Variants in CCDC63 observed in about 807,000 individuals in gnomAD.
The protein encoded by CCDC63 is coiled-coil domain containing 63, also known as coiled-coil domain-containing protein 63.
Under a neutral mutation model 63.6 loss-of-function variants are expected in CCDC63, and 54 were observed. The ratio of observed to expected loss-of-function variants is 0.85; its 90% CI spans 0.68 to 1.07. CCDC63 has a LOEUF of 1.07. Among genes scored for constraint, CCDC63 ranks in the 50% least tolerant of loss-of-function variants. CCDC63 has a pLI of 0.00. For missense variants in CCDC63, 637 were observed against 689.6 expected, an observed-to-expected ratio of 0.92 and a Z score of 0.86; for synonymous variants, 253 against 266.1, an observed-to-expected ratio of 0.95 and a Z score of 0.48.
chr12:110,899,646 C>T (rs529162362), intron 10 of CCDC63, among the ~76,000 whole-genome samples: 69 of 151,152 alleles, frequency 4.6e-4, no homozygotes, highest in African/African-American at 1.5e-3. Context: ...CCTCACTGTG[C>T]TTCAGATTTT....
In CCDC63 at chr12:110,873,953, T is replaced by C. The variant is rs2071099043; in HGVS notation, c.481T>C (p.Leu161=). 6.2e-7 allele frequency: 1 copy of C among 1,611,380 alleles called. No individual in the cohort carries two copies. The highest frequency in any genetic ancestry group is 1.7e-5 in the Admixed American group (1 of 59,524). ...QKQIHILETR[L]NLVTVHFDKM... is the part of the protein sequence containing the mutation. ...ACAGATTCACATTTTGGAAACCCGT[T>C]TGAATCTCGTATGTAAAGTGTTCTC... Residue 161 remains leucine (L), a synonymous_variant, in exon 5 of 12, where the codon TTG becomes CTG. Coordinates refer to ENST00000308208, the MANE Select transcript of CCDC63 (RefSeq NM_152591.3).
intron 4 of CCDC63, among the ~76,000 whole-genome samples, chr12:110,873,192 C>T (rs753168366): frequency 3.3e-5 from 5 of 152,030 alleles, no homozygotes; most frequent in Non-Finnish European, 5.9e-5. Context: ...GCCAAGATCG[C>T]GCCACAGCAC....
chr12:110,866,283 A>C (rs1421922535), intron 4 of CCDC63, among the ~76,000 whole-genome samples: 3 of 150,186 alleles, frequency 2.0e-5, no homozygotes, highest in African/African-American at 7.4e-5. Context: ...TGAGAAAAAG[A>C]TAAACCGTAA....
intron 8 of CCDC63, among the ~76,000 whole-genome samples, chr12:110,891,583 C>T (rs1215053510): frequency 2.2e-5 from 3 of 136,208 alleles, no homozygotes; most frequent in South Asian, 2.4e-4. Context: ...TTCAGTGAGC[C>T]GTGATTATGC....
At position 110,869,572 on chromosome 12, in the gene CCDC63, G is replaced by T. The variant is rs575270008; in HGVS notation, c.370-4270G>T. Among the ~76,000 whole-genome samples the T allele has an allele frequency of 2.0e-4, 31 of 152,242 alleles. No individual in the cohort carries two copies. The South Asian group carries it at 2.9e-3, about 14-fold the overall frequency. On this transcript the variant is annotated intron_variant, in intron 4 of 11. Transcript: ENST00000308208. ...AAATATTGATAATGAAGATATTTGG[G>T]TGTGGGCTAAGGCTGCATTGTGGGC...
At chr12:110,896,218 G>T (rs1233871483) in intron 9 of CCDC63, among the ~76,000 whole-genome samples, 4 of 152,114 alleles carry the variant, frequency 2.6e-5, no homozygotes, top group African/African-American at 9.7e-5. Context: ...ACAGCTCACT[G>T]CAGCCTCAAC....
At position 110,902,662 on chromosome 12, in the gene CCDC63, C is replaced by A. The variant is rs79435783; in HGVS notation, c.1343-1926C>A. On this transcript the variant is annotated intron_variant, in intron 10 of 11. Coordinates refer to ENST00000308208, the MANE Select transcript of CCDC63 (RefSeq NM_152591.3). ...TCTATGGACAGGTTGCTTTCAATAT[C>A]TGAATCTATGTGGTTCCTGAGATAT... Among the ~76,000 whole-genome samples the A allele has an allele frequency of 4.5e-3, 680 of 152,142 alleles. 6 individuals are homozygous for A. The highest frequency in any genetic ancestry group is 0.016 in the African/African-American group (650 of 41,522).
At chr12:110,903,768 C>G (rs531207770) in intron 10 of CCDC63, among the ~76,000 whole-genome samples, 2 of 152,218 alleles carry the variant, frequency 1.3e-5, no homozygotes, top group South Asian at 4.1e-4. Context: ...TTTAAAACAC[C>G]TCTAGGGGGT....
chr12:110,880,535 AGAGT>A (rs2071186404), intron 6 of CCDC63, among the ~76,000 whole-genome samples: 3 of 152,048 alleles, frequency 2.0e-5, no homozygotes, highest in Admixed American at 6.6e-5. Flanking sequence ...CGTAGCCTTC[AGAGT>A]CAGATCTGGG....
At chr12:110,867,662 G>A (rs71458372) in intron 4 of CCDC63, among the ~76,000 whole-genome samples, 8,149 of 92,184 alleles carry the variant, frequency 0.088, 153 homozygotes, top group Admixed American at 0.13. Flanking sequence ...GGGCAGAGGC[G>A]CCCCTCACCT....
chr12:110,869,764 A>G (rs1000388029), intron 4 of CCDC63, among the ~76,000 whole-genome samples: 3 of 152,142 alleles, frequency 2.0e-5, no homozygotes, highest in Non-Finnish European at 2.9e-5. Flanking sequence ...GGCAGTGTAG[A>G]TTTCACTTAT....
intron 9 of CCDC63, among the ~76,000 whole-genome samples, chr12:110,896,335 T>A (rs1440623446): frequency 6.6e-6 from 1 of 152,080 alleles, no homozygotes; most frequent in Non-Finnish European, 1.5e-5. Context: ...GCCGCTCTTG[T>A]CATATGGGAA....
chr12:110,893,118 G>C lies in CCDC63; in HGVS notation c.1117G>C (p.Asp373His). ...LLRSQQKLSH[D>H]DNHSVLRQLE... is the part of the protein sequence containing the mutation. ...GCGATCCCAGCAGAAATTGTCCCAC[G>C]ATGACAACCACTCTGTCCTGAGACA... The change falls in exon 9 of 12, where the codon GAT becomes CAT. Residue 373 changes from aspartate to histidine, a missense_variant. By Grantham distance (81) the Asp-to-His change is moderately conservative. Transcript: ENST00000308208. 6.2e-7 allele frequency: 1 copy of C among 1,614,048 alleles called. No homozygotes were observed. The highest frequency in any genetic ancestry group is 8.5e-7 in the Non-Finnish European group (1 of 1,179,956).
intron 4 of CCDC63, among the ~76,000 whole-genome samples, chr12:110,859,042 C>T (rs1326126721): frequency 2.6e-5 from 4 of 152,142 alleles, no homozygotes; most frequent in African/African-American, 9.7e-5. Flanking sequence ...ACAGCTGCAC[C>T]CTATCAGTTA....
intron 3 of CCDC63, among the ~76,000 whole-genome samples, chr12:110,853,888 TTCTGTTC>T (rs2070737247): frequency 6.6e-6 from 1 of 152,214 alleles, no homozygotes; most frequent in Non-Finnish European, 1.5e-5. Flanking sequence ...CGCACATGAC[TTCTGTTC>T]TCTCTCTCTC....
rs201058953 is a variant in CCDC63, at chr12:110,886,393, AC to A, written c.1074+2145del. On this transcript the variant is annotated intron_variant, in intron 8 of 11. Transcript: ENST00000308208. Reference sequence around the variant, plus strand: ...ACAGGGAGACTTCGTCTCAAAAAAAACCAAAAAAAAACCCACCCCAAAAAAC... The same window carrying A: ...ACAGGGAGACTTCGTCTCAAAAAAAACAAAAAAAAACCCACCCCAAAAAAC... Among the ~76,000 whole-genome samples, 232 of 152,050 alleles carry A rather than the reference AC, an allele frequency of 1.5e-3. 2 individuals carry two copies. Among genetic ancestry groups the A allele is most frequent in the African/African-American group, 5.4e-3 (224 of 41,444 alleles).
chr12:110,879,767 T>C (rs920783403), intron 5 of CCDC63, 139 bp from the exon 6 acceptor site: 1 of 769,212 alleles, frequency 1.3e-6, no homozygotes, highest in South Asian at 1.7e-5. Context: ...TTGAGCCTCT[T>C]GCCTACTGCT....
chr12:110,907,423 A>G lies in CCDC63; in HGVS notation c.1639A>G (p.Ser547Gly). The change falls in exon 12 of 12, where the codon AGC becomes GGC. Residue 547 changes from serine to glycine, a missense_variant. Ser to Gly is a moderately conservative substitution (Grantham distance 56, BLOSUM62 0). Transcript: ENST00000308208. The surrounding 1 kb of genome is among the most constrained non-coding windows in gnomAD (Gnocchi z 4.4). The part of the protein sequence containing the change: ...ENRSKEVRGD[S>G]LPEKVDDFRS... ...TCGGAGTAAGGAAGTGCGCGGAGAC[A>G]GCCTGCCTGAGAAGGTGGATGACTT... 1 of 1,614,230 alleles carries G rather than the reference A, an allele frequency of 6.2e-7. No individual in the cohort carries two copies.
At chr12:110,893,534 C>A (rs1332312124) in intron 9 of CCDC63, among the ~76,000 whole-genome samples, 1 of 152,124 alleles carries the variant, frequency 6.6e-6, no homozygotes, top group Non-Finnish European at 1.5e-5. Flanking sequence ...TCAGTAATAG[C>A]AAATACACAC....
Sources: gnomAD v4.1 joint callset for allele counts (sites outside exome capture counted in the v4.1 genomes callset) on GRCh38, gnomAD v4.1.1 for gene constraint, Gnocchi (gnomAD v3.1) non-coding constraint, MANE v1.5 for transcripts, NCBI Gene and HGNC (gene_info 2026-07-23, HGNC 2026-07-21) for gene names.